PAPSS1: variants seen among roughly 807,000 people sequenced by gnomAD.
PAPSS1 encodes the protein bifunctional 3'-phosphoadenosine 5'-phosphosulfate synthase 1.
Under a neutral mutation model 72.0 loss-of-function variants are expected in PAPSS1, and 50 were observed. The observed-to-expected ratio is 0.69, with a 90% CI of 0.55 to 0.88. The LOEUF (loss-of-function observed/expected upper bound fraction) is 0.88, where lower values mean the gene tolerates loss of function less well. Ranked by LOEUF, PAPSS1 falls within the 40% of genes least tolerant of loss-of-function variation. The pLI is 0.00. For missense variants in PAPSS1, 657 were observed against 782.2 expected (o/e 0.84, Z 1.91); for synonymous variants, 261 against 263.6 (o/e 0.99, Z 0.09).
chr4:107,629,140 C>A (rs577519049), intron 11 of PAPSS1, among the ~76,000 whole-genome samples: 2 of 152,266 alleles, frequency 1.3e-5, no homozygotes, highest in South Asian at 4.2e-4. Context: ...GGTAAGACAT[C>A]AGTTTGAAAA....
chr4:107,680,081 C>T (rs4956123), intron 5 of PAPSS1, among the ~76,000 whole-genome samples: 133,426 of 152,082 alleles, frequency 0.88, 59,165 homozygotes, highest in South Asian at 0.97. Flanking sequence ...TGTGGGACAA[C>T]ATATTATTCA....
intron 11 of PAPSS1, among the ~76,000 whole-genome samples, chr4:107,614,679 T>G (rs555517924): frequency 2.2e-4 from 34 of 152,330 alleles, no homozygotes; most frequent in South Asian, 1.9e-3. Context: ...GTACCCTTTA[T>G]CCAGTTTCCT....
intron 2 of PAPSS1, among the ~76,000 whole-genome samples, chr4:107,696,560 C>T (rs577690286): frequency 6.6e-6 from 1 of 151,942 alleles, no homozygotes; most frequent in East Asian, 1.9e-4. Context: ...TAGGGCCTAT[C>T]GGTGGGGAGG....
At chr4:107,680,368 C>T (rs72675506) in intron 5 of PAPSS1, among the ~76,000 whole-genome samples, 36,402 of 151,138 alleles carry the variant, frequency 0.24, 4,951 homozygotes, top group Middle Eastern at 0.35. Flanking sequence ...TTACATTAGA[C>T]TTCTCATCAG....
intron 6 of PAPSS1, 106 bp from the exon 7 acceptor site, chr4:107,657,113 T>A: frequency 1.3e-6 from 1 of 746,644 alleles, no homozygotes; most frequent in East Asian, 2.5e-5. Context: ...AAACAAACAG[T>A]GTAAGGATGA....
At chr4:107,701,960 T>C (rs182777290) in intron 1 of PAPSS1, among the ~76,000 whole-genome samples, 77 of 138,360 alleles carry the variant, frequency 5.6e-4, no homozygotes, top group African/African-American at 1.9e-3. Context: ...AACTTCATGT[T>C]CTCCCAAAGC....
intron 10 of PAPSS1, among the ~76,000 whole-genome samples, chr4:107,643,044 T>C (rs965534194): frequency 2.6e-5 from 4 of 152,066 alleles, no homozygotes; most frequent in African/African-American, 9.7e-5. Context: ...ATCAACAATA[T>C]TGGGTAAAAT....
At chr4:107,691,922 C>A (rs1307674629) in intron 3 of PAPSS1, among the ~76,000 whole-genome samples, 14 of 151,806 alleles carry the variant, frequency 9.2e-5, no homozygotes, top group Admixed American at 9.2e-4. Flanking sequence ...CTTTGACAAA[C>A]CTGACAAAAA....
At chr4:107,697,561 TTA>T (rs1469490143) in intron 2 of PAPSS1, among the ~76,000 whole-genome samples, 2 of 152,214 alleles carry the variant, frequency 1.3e-5, no homozygotes, top group African/African-American at 4.8e-5. Flanking sequence ...ACATGTGTAT[TTA>T]TATGTTTTAA....
At chr4:107,630,073 C>A (rs1402831399) in intron 11 of PAPSS1, among the ~76,000 whole-genome samples, 9 of 152,144 alleles carry the variant, frequency 5.9e-5, no homozygotes, top group Non-Finnish European at 1.0e-4. Context: ...ACTACATTGA[C>A]ATGGTTAAAT....
intron 1 of PAPSS1, among the ~76,000 whole-genome samples, chr4:107,716,470 T>C (rs900363804): frequency 3.9e-5 from 6 of 152,182 alleles, no homozygotes; most frequent in African/African-American, 7.2e-5. Flanking sequence ...CATATGCTTC[T>C]TAATGTCACG....
intron 5 of PAPSS1, among the ~76,000 whole-genome samples, chr4:107,673,788 A>G (rs1727561897): frequency 6.6e-6 from 1 of 152,212 alleles, no homozygotes; most frequent in African/African-American, 2.4e-5. Context: ...TGTTAAGGGC[A>G]GCCAGAGAGA....
At chr4:107,685,302 A>C (rs1361669882) in intron 4 of PAPSS1, among the ~76,000 whole-genome samples, 2 of 152,208 alleles carry the variant, frequency 1.3e-5, no homozygotes, top group Non-Finnish European at 2.9e-5. Context: ...AACACACACA[A>C]GTGTTCACTA....
At chr4:107,708,753 GA>G (rs1007365517) in intron 1 of PAPSS1, among the ~76,000 whole-genome samples, 1 of 152,148 alleles carries the variant, frequency 6.6e-6, no homozygotes, top group African/African-American at 2.4e-5. Context: ...GATATAAGGA[GA>G]TTTTTTTTGG....
intron 10 of PAPSS1, among the ~76,000 whole-genome samples, chr4:107,643,280 C>T (rs1185445770): frequency 6.6e-6 from 1 of 152,200 alleles, no homozygotes; most frequent in African/African-American, 2.4e-5. Context: ...CAGCAGCTGT[C>T]GCCCCGCTCA....
chr4:107,660,264 A>T (rs1446952358), intron 5 of PAPSS1, among the ~76,000 whole-genome samples, 192 bp from the exon 6 acceptor site: 1 of 152,120 alleles, frequency 6.6e-6, no homozygotes, highest in Non-Finnish European at 1.5e-5. Flanking sequence ...AATTAAGCCC[A>T]ATGTCCCATT....
intron 2 of PAPSS1, among the ~76,000 whole-genome samples, chr4:107,697,530 T>C (rs933282443): frequency 6.6e-6 from 1 of 152,190 alleles, no homozygotes; most frequent in Non-Finnish European, 1.5e-5. Flanking sequence ...TAAATTATAA[T>C]AAAAGTGTCT....
intron 1 of PAPSS1, among the ~76,000 whole-genome samples, chr4:107,705,779 C>A (rs1333816721): frequency 6.6e-6 from 1 of 152,196 alleles, no homozygotes; most frequent in Non-Finnish European, 1.5e-5. Flanking sequence ...GAGTTTTATA[C>A]TTTCATGTTA....
intron 1 of PAPSS1, among the ~76,000 whole-genome samples, chr4:107,711,466 A>G (rs1261585475): frequency 6.6e-6 from 1 of 152,148 alleles, no homozygotes; most frequent in Admixed American, 6.5e-5. Flanking sequence ...AGAATTTCAT[A>G]TTTTGTGAAT....
Sources: gnomAD v4.1 joint callset for allele counts (sites outside exome capture counted in the v4.1 genomes callset) on GRCh38, gnomAD v4.1.1 for gene constraint, MANE v1.5 for transcripts, NCBI Gene and HGNC (gene_info 2026-07-23, HGNC 2026-07-21) for gene names.